The following IL18RAP variants were observed in gnomAD, a reference collection of about 807,000 sequenced individuals.
IL18RAP encodes the protein interleukin 18 receptor accessory protein.
In IL18RAP, 37 loss-of-function variants were observed where a neutral mutation model predicts 58.1. The ratio of observed to expected loss-of-function variants is 0.64; its 90% CI spans 0.49 to 0.84. The LOEUF is 0.84. Ranked by LOEUF, IL18RAP falls within the 40% of genes least tolerant of loss-of-function variation. The pLI is 0.00. For missense variants in IL18RAP, 667 were observed against 704.8 expected (o/e 0.95, Z 0.61); for synonymous variants, 268 against 257.5 (o/e 1.04, Z -0.39).
intron 3 of IL18RAP, among the ~76,000 whole-genome samples, chr2:102,425,428 C>A (rs1681877443): frequency 6.6e-6 from 1 of 152,084 alleles, no homozygotes; most frequent in Admixed American, 6.6e-5. Flanking sequence ...GTTATCACAT[C>A]CTTTACAGAA....
rs145458658 is a variant in IL18RAP, at chr2:102,423,939, G to A, written c.199G>A (p.Val67Ile). 148 of 1,613,908 alleles carry A rather than the reference G, an allele frequency of 9.2e-5. No individual in the cohort carries two copies. Among genetic ancestry groups the A allele is most frequent in the Non-Finnish European group, 1.1e-4 (132 of 1,180,006 alleles). Residue 67 changes from valine to isoleucine, a missense_variant, in exon 2 of 10, where the codon GTC becomes ATC. Transcript: ENST00000687160. ...CHRNRLSPKQ[V>I]PEHLPFMGSN... The stretch of plus-strand genomic sequence containing the variant: ...CAGAAATCGACTCTCACCAAAACAA[G>A]TCCCTGAGCACCTGCCCTTCATGGG...
At chr2:102,437,560 T>C (rs936965426) in intron 4 of IL18RAP, among the ~76,000 whole-genome samples, 198 bp downstream of exon 4, 2 of 152,228 alleles carry the variant, frequency 1.3e-5, no homozygotes, top group African/African-American at 4.8e-5. Context: ...TTTCAAATTC[T>C]CACAAGTTGG....
At chr2:102,438,738 C>T (rs181574137) in intron 4 of IL18RAP, 1 of 152,348 alleles carries the variant, frequency 6.6e-6, no homozygotes, top group Admixed American at 6.5e-5. Flanking sequence ...CATTTCCACA[C>T]AAATATTTAC....
intron 3 of IL18RAP, among the ~76,000 whole-genome samples, chr2:102,429,198 C>T (rs1308841785): frequency 2.0e-5 from 3 of 151,790 alleles, no homozygotes; most frequent in Non-Finnish European, 4.4e-5. Flanking sequence ...CAGAGTGATG[C>T]TTGATTCATA....
rs200833324 is a variant in IL18RAP, at chr2:102,452,167, C to G, written c.1786C>G (p.Pro596Ala). The G allele has an allele frequency of 6.2e-7, 1 of 1,604,544 alleles. No individual in the cohort carries two copies. Among genetic ancestry groups the G allele is most frequent in the Non-Finnish European group, 8.5e-7 (1 of 1,175,526 alleles). The change falls in exon 10 of 10, where the codon CCT becomes GCT. Residue 596 changes from proline (P) to alanine (A), a missense_variant. Coordinates refer to ENST00000687160, the MANE Select transcript of IL18RAP (RefSeq NM_001393487.1). ...RTETTGRSSQPKEW is the reference protein window; with the variant it reads ...RTETTGRSSQAKEW ...AGAAACCACTGGGAGGAGCTCCCAG[C>G]CTAAGGAATGGTGAAATGAGCCCTG...
intron 8 of IL18RAP, among the ~76,000 whole-genome samples, 153 bp downstream of exon 8, chr2:102,447,360 G>A (rs1390387585): frequency 6.6e-6 from 1 of 152,206 alleles, no homozygotes. Context: ...CCAGGGCAGA[G>A]CATAAAGGAG....
At chr2:102,435,626 A>G (rs1427840374) in intron 3 of IL18RAP, among the ~76,000 whole-genome samples, 1 of 152,172 alleles carries the variant, frequency 6.6e-6, no homozygotes, top group Non-Finnish European at 1.5e-5. Flanking sequence ...TGGGTAGTGG[A>G]AGTCCAGCTA....
chr2:102,441,431 A>G, intron 5 of IL18RAP, 54 bp downstream of exon 5: 1 of 1,394,938 alleles, frequency 7.2e-7, no homozygotes. Flanking sequence ...GAGCAGGTCT[A>G]AGTGTGATAG....
At chr2:102,443,368 G>T in intron 6 of IL18RAP, 45 bp downstream of exon 6, 1 of 1,592,878 alleles carries the variant, frequency 6.3e-7, no homozygotes, top group Non-Finnish European at 8.5e-7. Context: ...ATTCAGAAGA[G>T]ATACTTCTAC....
intron 6 of IL18RAP, among the ~76,000 whole-genome samples, chr2:102,443,833 A>T (rs1366219324): frequency 6.6e-6 from 1 of 152,200 alleles, no homozygotes; most frequent in Non-Finnish European, 1.5e-5. Context: ...CTCTGTCTTG[A>T]AATCCTTGGG....
At position 102,452,322 on chromosome 2, in the gene IL18RAP, A is replaced by G; in HGVS notation, c.*141A>G. The G allele has an allele frequency of 1.3e-6, 1 of 772,500 alleles. No individual in the cohort carries two copies. Among genetic ancestry groups the G allele is most frequent in the South Asian group, 1.9e-5 (1 of 51,682 alleles). The allele number at this position is 772,500 out of a possible 1,614,324, so 47.9% of individuals were successfully genotyped here. On this transcript the variant is annotated 3_prime_UTR_variant, in exon 10 of 10. Coordinates refer to ENST00000687160, the MANE Select transcript of IL18RAP (RefSeq NM_001393487.1). ...CAGCACCAAGCAAGCTTGATGGACA[A>G]TGGAGTGGGATTGAGACTGTGGTTT...
chr2:102,419,691 T>C (rs897877918), upstream of IL18RAP: 39 of 152,332 alleles, frequency 2.6e-4, no homozygotes, highest in African/African-American at 8.4e-4. Context: ...CCCAGCGCTG[T>C]TGGGCTCTCA....
In IL18RAP at chr2:102,445,220, G is replaced by A. The variant is rs769808848; in HGVS notation, c.952G>A (p.Glu318Lys). The A allele has an allele frequency of 2.1e-5, 34 of 1,613,778 alleles. No homozygotes were observed. Among genetic ancestry groups the A allele is most frequent in the African/African-American group, 2.7e-5 (2 of 74,878 alleles). The change falls in exon 7 of 10, where the codon GAG becomes AAG. Residue 318 changes from glutamate (E) to lysine (K), a missense_variant. By Grantham distance (56) the Glu-to-Lys change is moderately conservative. Transcript: ENST00000687160. ...IKSTLKDEII[E>K]RNIILEKVTQ... ...ATCCACTTTAAAGGATGAAATCATT[G>A]AGCGTAATATCATCTTGGAAAAAGT... is the stretch of plus-strand genomic sequence containing the variant.
intron 3 of IL18RAP, chr2:102,435,239 T>C (rs1167693256): frequency 1.3e-5 from 2 of 152,172 alleles, no homozygotes; most frequent in African/African-American, 4.8e-5. Flanking sequence ...TCATGATGGT[T>C]ATGGGGACCT....
At chr2:102,451,280 C>G (rs1434602833) in intron 9 of IL18RAP, among the ~76,000 whole-genome samples, 1 of 152,226 alleles carries the variant, frequency 6.6e-6, no homozygotes, top group Non-Finnish European at 1.5e-5. Context: ...GGCTTCGCAG[C>G]TGAAGGCTGC....
intron 8 of IL18RAP, among the ~76,000 whole-genome samples, chr2:102,449,378 T>G (rs1683625105): frequency 6.6e-6 from 1 of 152,254 alleles, no homozygotes; most frequent in African/African-American, 2.4e-5. Context: ...TTTTAATAAC[T>G]TTTTTGAATG....
chr2:102,451,034 T>C lies in IL18RAP; in HGVS notation c.1384+13T>C. ...GCTCCAGGAGGAGGTAAGTCCAACA[T>C]GTCAAGAAAAACTGCAGTGCAAAAA... is the stretch of plus-strand genomic sequence containing the variant. On this transcript the variant is annotated intron_variant, in intron 9 of 9. Coordinates refer to ENST00000687160, the MANE Select transcript of IL18RAP (RefSeq NM_001393487.1). The C allele has an allele frequency of 1.3e-6, 2 of 1,567,134 alleles. No individual in the cohort carries two copies. The highest frequency in any genetic ancestry group is 1.7e-6 in the Non-Finnish European group (2 of 1,159,380).
intron 3 of IL18RAP, among the ~76,000 whole-genome samples, chr2:102,426,607 T>C (rs941606738): frequency 6.6e-6 from 1 of 152,126 alleles, no homozygotes; most frequent in African/African-American, 2.4e-5. Context: ...TTAGGAAAAC[T>C]GGTTATCTAC....
At chr2:102,448,065 C>T (rs949015263) in intron 8 of IL18RAP, among the ~76,000 whole-genome samples, 6 of 152,110 alleles carry the variant, frequency 3.9e-5, no homozygotes, top group Admixed American at 6.5e-5. Context: ...GCCCAGTACA[C>T]GGTAAATAGC....
Sources: gnomAD v4.1 joint callset for allele counts (sites outside exome capture counted in the v4.1 genomes callset) on GRCh38, gnomAD v4.1.1 for gene constraint, MANE v1.5 for transcripts, NCBI Gene and HGNC (gene_info 2026-07-23, HGNC 2026-07-21) for gene names.